The following SINHCAF variants were observed in gnomAD, a reference collection of about 807,000 sequenced individuals.
SINHCAF encodes the protein SIN3-HDAC complex-associated factor.
In SINHCAF, 3 loss-of-function variants were observed where a neutral mutation model predicts 25.8. The ratio of observed to expected loss-of-function variants is 0.12; its 90% CI spans 0.05 to 0.30. The LOEUF (loss-of-function observed/expected upper bound fraction) is 0.30, where lower values mean the gene tolerates loss of function less well. Among genes scored for constraint, SINHCAF ranks in the 10% least tolerant of loss-of-function variants. The pLI, the probability that SINHCAF is intolerant of heterozygous loss-of-function variation, is 1.00. For missense variants in SINHCAF, 121 were observed against 262.3 expected (o/e 0.46, Z 3.72); for synonymous variants, 70 against 85.5 (o/e 0.82, Z 1.00).
At chr12:31,310,306 T>C (rs1939213708) in intron 1 of SINHCAF, among the ~76,000 whole-genome samples, 1 of 152,206 alleles carries the variant, frequency 6.6e-6, no homozygotes, top group Non-Finnish European at 1.5e-5. Flanking sequence ...GTGGAATTTA[T>C]AACTGATACA....
rs1308922466 is a variant in SINHCAF at position 31,325,310 on chromosome 12, C to G, written c.-21+714G>C. 1 of 446,636 alleles carries G rather than the reference C, an allele frequency of 2.2e-6. No individual in the cohort carries two copies. Among genetic ancestry groups the G allele is most frequent in the Non-Finnish European group, 4.5e-6 (1 of 222,246 alleles). The allele number at this position is 446,636 out of a possible 1,614,324, so 27.7% of individuals were successfully genotyped here. ...CCGAAGAGGGCAGGCGAGTGGAAGA[C>G]GGGCTGTTTTTAAGCGACCGCGTGT... On this transcript the variant is annotated intron_variant, in intron 1 of 5. Transcript: ENST00000337682. The surrounding 1 kb of genome is among the most constrained non-coding windows in gnomAD (Gnocchi z 5.9).
At position 31,295,314 on chromosome 12, in the gene SINHCAF, C is replaced by G; in HGVS notation, c.148G>C (p.Gly50Arg). The change falls in exon 3 of 6, where the codon GGA (glycine) becomes CGA (arginine). Residue 50 changes from glycine to arginine, a missense_variant. Transcript: ENST00000337682. ...AGGACACAGGCATTGCAGATGTCTC[C>G]TGAACGAGTCTCATGCAATCTGATA... Reference protein sequence around the residue: ...SCFGLHETRSGDICNACVLLV... With the variant: ...SCFGLHETRSRDICNACVLLV... 1 of 1,608,452 alleles carries G rather than the reference C, an allele frequency of 6.2e-7. No homozygotes were observed. Among genetic ancestry groups the G allele is most frequent in the Non-Finnish European group, 8.5e-7 (1 of 1,176,782 alleles).
rs1384110647 is a variant in SINHCAF, at chr12:31,324,628, G to T, written c.-21+1396C>A. 3.9e-6 allele frequency: 1 copy of T among 258,124 alleles called. No homozygotes were observed. The highest frequency in any genetic ancestry group is 7.8e-6 in the Non-Finnish European group (1 of 128,248). The allele number at this position is 258,124 out of a possible 1,614,324, so 16.0% of individuals were successfully genotyped here. On this transcript the variant is annotated intron_variant, in intron 1 of 5. Transcript: ENST00000337682. The surrounding 1 kb of genome is among the most constrained non-coding windows in gnomAD (Gnocchi z 5.5). ...CCCAGGCGGCGGCCCCGAGCGCCGG[G>T]GGCCCGCACGGGCACATGCAGCCCT...
chr12:31,282,559 T>G lies in SINHCAF; in HGVS notation c.*153A>C. On this transcript the variant is annotated 3_prime_UTR_variant, in exon 6 of 6. Coordinates refer to ENST00000337682, the MANE Select transcript of SINHCAF (RefSeq NM_001135812.2). Reference sequence around the variant, plus strand: ...ATCACTTGAACCCGGGAGACGGAAGTTGCAGTGAGCCAAGATCACGCCACT... The same window carrying G: ...ATCACTTGAACCCGGGAGACGGAAGGTGCAGTGAGCCAAGATCACGCCACT... 1.8e-6 allele frequency: 1 copy of G among 547,958 alleles called. No homozygotes were observed. The highest frequency in any genetic ancestry group is 3.5e-5 in the South Asian group (1 of 28,662). 33.9% of individuals were successfully genotyped at this position (547,958 alleles called of 1,614,324 possible).
intron 1 of SINHCAF, among the ~76,000 whole-genome samples, chr12:31,316,184 A>T (rs1357223417): frequency 5.3e-5 from 8 of 149,648 alleles, no homozygotes; most frequent in Admixed American, 1.3e-4. Context: ...AATAAAAAAT[A>T]AAAAAAAAAC....
chr12:31,300,267 T>G (rs1030577868), intron 1 of SINHCAF, among the ~76,000 whole-genome samples: 1 of 152,216 alleles, frequency 6.6e-6, no homozygotes, highest in African/African-American at 2.4e-5. Context: ...AGCAAATAAT[T>G]AGCTAAAAAC....
chr12:31,315,157 G>A (rs1939447556), intron 1 of SINHCAF, among the ~76,000 whole-genome samples: 1 of 152,178 alleles, frequency 6.6e-6, no homozygotes, highest in African/African-American at 2.4e-5. Context: ...TTTTTAAACA[G>A]GAAAATATGT....
chr12:31,296,865 A>G lies in SINHCAF; in HGVS notation c.128+1212T>C, dbSNP rs1025767412. 1.3e-5 allele frequency: 4 copies of G among 296,962 alleles called. No homozygotes were observed. In the Admixed American group the frequency reaches 1.7e-4, roughly 13 times the overall value. 18.4% of individuals were successfully genotyped at this position (296,962 alleles called of 1,614,324 possible). A position where few individuals can be genotyped will look rare whatever the true frequency, so the allele number is the denominator to read the frequency against. Reference sequence around the variant, plus strand: ...AGTGAGACTCTGTCTCAAACAAACCAACAAACAAACAAACGATTATATTGC... The same window carrying G: ...AGTGAGACTCTGTCTCAAACAAACCGACAAACAAACAAACGATTATATTGC... On this transcript the variant is annotated intron_variant, in intron 2 of 5. Coordinates refer to ENST00000337682, the MANE Select transcript of SINHCAF (RefSeq NM_001135812.2).
At chr12:31,298,487 G>A in intron 1 of SINHCAF, 1 of 375,620 alleles carries the variant, frequency 2.7e-6, no homozygotes, top group Non-Finnish European at 4.9e-6. Flanking sequence ...ATCTAAAAAT[G>A]GGGAAGAGAA....
intron 1 of SINHCAF, chr12:31,298,515 G>A (rs1938642747): frequency 3.0e-6 from 1 of 330,220 alleles, no homozygotes; most frequent in Non-Finnish European, 5.7e-6. Flanking sequence ...TTAAAATCAG[G>A]TTTTGAAGTA....
At position 31,301,406 on chromosome 12, in the gene SINHCAF, A is replaced by G. The variant is rs149546317; in HGVS notation, c.-20-3182T>C. Among the ~76,000 whole-genome samples the G allele has an allele frequency of 1.2e-3, 188 of 152,306 alleles. 2 individuals carry two copies. The East Asian group carries it at 0.032, about 26-fold the overall frequency. The stretch of plus-strand genomic sequence containing the variant: ...GTCCTGACAAAATTATTCTGCCTGA[A>G]CATCTGAGAGGGATCTAAATCCTAG... On this transcript the variant is annotated intron_variant, in intron 1 of 5. Transcript: ENST00000337682.
At chr12:31,283,891 C>G (rs1937922670) in intron 5 of SINHCAF, among the ~76,000 whole-genome samples, 1 of 150,928 alleles carries the variant, frequency 6.6e-6, no homozygotes, top group Non-Finnish European at 1.5e-5. Flanking sequence ...CACACACACA[C>G]AGAATCACAA....
chr12:31,302,635 A>AT (rs1486918171), intron 1 of SINHCAF, among the ~76,000 whole-genome samples: 1 of 151,692 alleles, frequency 6.6e-6, no homozygotes, highest in Non-Finnish European at 1.5e-5. Flanking sequence ...GTATTCATAC[A>AT]TTTTTTTAAA....
At chr12:31,306,737 C>T (rs1393651242) in intron 1 of SINHCAF, among the ~76,000 whole-genome samples, 1 of 152,182 alleles carries the variant, frequency 6.6e-6, no homozygotes, top group African/African-American at 2.4e-5. Flanking sequence ...CAAGACTAGT[C>T]CATTTTTTTA....
At chr12:31,314,525 CA>C (rs144828928) in intron 1 of SINHCAF, among the ~76,000 whole-genome samples, 9 of 142,546 alleles carry the variant, frequency 6.3e-5, no homozygotes, top group Admixed American at 7.0e-5. Context: ...GACTCCGTCT[CA>C]AAAAAAAAAG....
At chr12:31,323,943 C>T (rs1029711533) in intron 1 of SINHCAF, 6 of 455,758 alleles carry the variant, frequency 1.3e-5, no homozygotes, top group Non-Finnish European at 2.6e-5. Context: ...CGGGTCCCCA[C>T]CTTCCGTAAA....
At chr12:31,312,557 C>A (rs988292617) in intron 1 of SINHCAF, among the ~76,000 whole-genome samples, 4 of 152,180 alleles carry the variant, frequency 2.6e-5, no homozygotes, top group Non-Finnish European at 5.9e-5. Flanking sequence ...TTTGTTATTT[C>A]AGTGGTATCT....
intron 5 of SINHCAF, among the ~76,000 whole-genome samples, chr12:31,285,288 T>C (rs760749126): frequency 5.3e-5 from 8 of 151,890 alleles, no homozygotes; most frequent in Non-Finnish European, 1.2e-4. Context: ...CTCCGGAGGC[T>C]GAGACAGGAA....
In SINHCAF at chr12:31,293,608, C is replaced by G. The variant is rs562198085; in HGVS notation, c.355+197G>C. Among the ~76,000 whole-genome samples, 5 of 152,264 alleles carry G rather than the reference C, an allele frequency of 3.3e-5. No individual in the cohort carries two copies. In the East Asian group the frequency reaches 9.6e-4, roughly 29 times the overall value. On this transcript the variant is annotated intron_variant, in intron 4 of 5. Coordinates refer to ENST00000337682, the MANE Select transcript of SINHCAF (RefSeq NM_001135812.2). ...GAAGTGGTTAGCTAGTAGAAATACTCTCTTGAGACATCAAAATCAGAAAAA... is the reference window on the plus strand; with the variant it reads ...GAAGTGGTTAGCTAGTAGAAATACTGTCTTGAGACATCAAAATCAGAAAAA...
Sources: allele counts gnomAD v4.1 joint callset (sites outside exome capture counted in the v4.1 genomes callset), GRCh38; gene constraint gnomAD v4.1.1; non-coding constraint Gnocchi (gnomAD v3.1); transcripts MANE v1.5; gene names NCBI Gene and HGNC (gene_info 2026-07-23, HGNC 2026-07-21).